Variants in PPP1CC observed in about 807,000 individuals in gnomAD.
PPP1CC encodes protein phosphatase 1 catalytic subunit gamma.
In PPP1CC, 16 loss-of-function variants were observed where a neutral mutation model predicts 38.4. The ratio of observed to expected loss-of-function variants is 0.42; its 90% confidence interval spans 0.28 to 0.63. The LOEUF (loss-of-function observed/expected upper bound fraction) is 0.63, where lower values mean the gene tolerates loss of function less well. Among genes scored for constraint, PPP1CC ranks in the 30% least tolerant of loss-of-function variants. The pLI, the probability that PPP1CC is intolerant of heterozygous loss-of-function variation, is 0.25. For missense variants in PPP1CC, 170 were observed against 391.3 expected, an observed-to-expected ratio of 0.43 and a Z score of 4.77; for synonymous variants, 158 against 136.0, an observed-to-expected ratio of 1.16 and a Z score of -1.13.
At chr12:110,721,758 T>C (rs976472055) in intron 6 of PPP1CC, 14 of 264,046 alleles carry the variant, frequency 5.3e-5, no homozygotes, top group Non-Finnish European at 8.5e-5. Flanking sequence ...TTGTGGAAGT[T>C]AGACTAGAGG....
chr12:110,708,931 C>T, the PPP1CC span, among the ~76,000 whole-genome samples: 1 of 151,874 alleles, frequency 6.6e-6, no homozygotes, highest in Admixed American at 6.6e-5. Context: ...GATACTGCCC[C>T]AGTCTACCAG....
chr12:110,742,235 C>G (rs931882428), intron 1 of PPP1CC, among the ~76,000 whole-genome samples: 23 of 152,130 alleles, frequency 1.5e-4, no homozygotes, highest in Non-Finnish European at 2.9e-4. Flanking sequence ...AACTGCCTTC[C>G]GAGAGGACGA....
intron 1 of PPP1CC, chr12:110,735,057 T>C (rs974076107): frequency 6.6e-6 from 1 of 151,236 alleles, no homozygotes; most frequent in African/African-American, 2.4e-5. Flanking sequence ...TTCACTATTT[T>C]TTTCTTTCTT....
the PPP1CC span, among the ~76,000 whole-genome samples, chr12:110,711,838 T>C: frequency 0.019 from 2,936 of 152,094 alleles, 90 homozygotes; most frequent in African/African-American, 0.061. Flanking sequence ...GGCAGGAGAA[T>C]TGCTTGAACT....
intron 1 of PPP1CC, 53 bp downstream of exon 1, chr12:110,742,600 G>T: frequency 7.3e-7 from 1 of 1,374,626 alleles, no homozygotes; most frequent in Non-Finnish European, 9.5e-7. Context: ...CCCCGGGGCC[G>T]CCTGCCGCCC....
chr12:110,730,690 T>TTTCTTGG lies in PPP1CC; in HGVS notation c.256_257insCCAAGAA (p.Asn86ThrfsTer33). Reference sequence around the variant, plus strand: ...CACATAGTCCCCAAGAAACAGGTAGTTGCTTTCTGGTGGGAAACCACCGTA... The same window carrying TTTCTTGG: ...CACATAGTCCCCAAGAAACAGGTAGTTTCTTGGTGCTTTCTGGTGGGAAACCACCGTA... On this transcript the variant is annotated frameshift_variant, in exon 3 of 7. Coordinates refer to ENST00000335007, the MANE Select transcript of PPP1CC (RefSeq NM_002710.4). LOFTEE classifies it high-confidence loss of function. 6.2e-7 allele frequency: 1 copy of TTTCTTGG among 1,614,180 alleles called. No homozygotes were observed. Among genetic ancestry groups the TTTCTTGG allele is most frequent in the South Asian group, 1.1e-5 (1 of 91,074 alleles).
chr12:110,730,814 A>C, intron 2 of PPP1CC, 55 bp from the exon 3 acceptor site: 1 of 1,200,824 alleles, frequency 8.3e-7, no homozygotes. Context: ...TCAATCCACT[A>C]ACAAAGCTTT....
At chr12:110,709,977 A>AATAAT in the PPP1CC span, among the ~76,000 whole-genome samples, 6 of 141,766 alleles carry the variant, frequency 4.2e-5, no homozygotes, top group African/African-American at 1.7e-4. Context: ...ATAATAATAA[A>AATAAT]GGAAAACAAA....
chr12:110,722,005 C>A lies in PPP1CC; in HGVS notation c.882+130G>T. The stretch of plus-strand genomic sequence containing the variant: ...ACACATTATTCAACTATAATACACA[C>A]TGGTTAAGGGAAAATAAAAACTTAG... On this transcript the variant is annotated intron_variant, in intron 6 of 6. Coordinates refer to ENST00000335007, the MANE Select transcript of PPP1CC (RefSeq NM_002710.4). The surrounding 1 kb of genome is among the most constrained non-coding windows in gnomAD (Gnocchi z 5.4). The A allele has an allele frequency of 3.7e-6, 4 of 1,084,028 alleles. No homozygotes were observed. Among genetic ancestry groups the A allele is most frequent in the Non-Finnish European group, 5.2e-6 (4 of 769,578 alleles). The allele number at this position is 1,084,028 out of a possible 1,614,324, so 67.2% of individuals were successfully genotyped here. A position where few individuals can be genotyped will look rare whatever the true frequency, so the allele number is the denominator to read the frequency against.
chr12:110,715,988 T>C (rs1290634207), downstream of PPP1CC, among the ~76,000 whole-genome samples: 1 of 152,244 alleles, frequency 6.6e-6, no homozygotes, highest in Non-Finnish European at 1.5e-5. Context: ...TTTGTAATAC[T>C]AAATAGATGC....
Position 110,731,908 on chromosome 12 carries a change from G to A in PPP1CC, c.56-7C>T, listed in dbSNP as rs2069876430. The A allele has an allele frequency of 6.2e-7, 1 of 1,609,982 alleles. No homozygotes were observed. Among genetic ancestry groups the A allele is most frequent in the East Asian group, 2.2e-5 (1 of 44,730 alleles). ...CCAGGCTTGGACCCTCTCACTGCAA[G>A]AGAAAAATCGCAATTAGTCCAATGA... On this transcript the variant is annotated splice_region_variant and splice_polypyrimidine_tract_variant and intron_variant, in intron 1 of 6. Coordinates refer to ENST00000335007, the MANE Select transcript of PPP1CC (RefSeq NM_002710.4).
chr12:110,737,080 A>C (rs949332347), intron 1 of PPP1CC, among the ~76,000 whole-genome samples: 1 of 152,232 alleles, frequency 6.6e-6, no homozygotes, highest in Non-Finnish European at 1.5e-5. Flanking sequence ...TAGGAAAATA[A>C]GACTCAAACC....
chr12:110,722,369 A>G lies in PPP1CC; in HGVS notation c.748-100T>C, dbSNP rs1327934593. ...GAGCCTGATATCTTGTGTTCCAGAA[A>G]CACTTTGTATAAATAAGCAATACCT... On this transcript the variant is annotated intron_variant, in intron 5 of 6. Coordinates refer to ENST00000335007, the MANE Select transcript of PPP1CC (RefSeq NM_002710.4). The surrounding 1 kb of genome is among the most constrained non-coding windows in gnomAD (Gnocchi z 5.4). 6.4e-7 allele frequency: 1 copy of G among 1,561,398 alleles called. No individual in the cohort carries two copies. Among genetic ancestry groups the G allele is most frequent in the Non-Finnish European group, 8.8e-7 (1 of 1,137,854 alleles).
At chr12:110,715,606 G>C (rs762324044), downstream of PPP1CC, among the ~76,000 whole-genome samples, 1 of 151,958 alleles carries the variant, frequency 6.6e-6, no homozygotes, top group Non-Finnish European at 1.5e-5. Context: ...CAAGTTTGAT[G>C]CTGGGCTGGT....
the PPP1CC span, among the ~76,000 whole-genome samples, chr12:110,712,573 G>A: frequency 6.9e-6 from 1 of 145,240 alleles, no homozygotes; most frequent in South Asian, 2.2e-4. Context: ...CCGGGAAGCG[G>A]AGGTTGCACT....
At chr12:110,739,167 C>G (rs545750519) in intron 1 of PPP1CC, among the ~76,000 whole-genome samples, 2 of 152,144 alleles carry the variant, frequency 1.3e-5, no homozygotes, top group South Asian at 2.1e-4. Context: ...CTTGGCCGAG[C>G]GTGGTGGTGC....
chr12:110,738,163 A>T (rs985829501), intron 1 of PPP1CC, among the ~76,000 whole-genome samples: 10 of 152,194 alleles, frequency 6.6e-5, no homozygotes, highest in African/African-American at 2.4e-4. Context: ...CTTCTAGAAG[A>T]GGGATGACAG....
chr12:110,710,241 A>G, the PPP1CC span, among the ~76,000 whole-genome samples: 1 of 152,070 alleles, frequency 6.6e-6, no homozygotes, highest in Non-Finnish European at 1.5e-5. Flanking sequence ...ATAACCTCTA[A>G]TATTAATAAT....
intron 4 of PPP1CC, among the ~76,000 whole-genome samples, 173 bp downstream of exon 4, chr12:110,724,487 A>C (rs1208351442): frequency 6.6e-6 from 1 of 152,234 alleles, no homozygotes; most frequent in Non-Finnish European, 1.5e-5. Context: ...CAATTCCTTA[A>C]GATTTTTATC....
Sources: allele counts gnomAD v4.1 joint callset (sites outside exome capture counted in the v4.1 genomes callset), GRCh38; gene constraint gnomAD v4.1.1; non-coding constraint Gnocchi (gnomAD v3.1); transcripts MANE v1.5; gene names NCBI Gene and HGNC (gene_info 2026-07-23, HGNC 2026-07-21).